EPHB2: variants seen among roughly 807,000 people sequenced by gnomAD.
EPHB2 encodes EPH receptor B2.
EPHB2 carries 18 observed loss-of-function variants against 96.4 expected under a neutral mutation model. That is an observed-to-expected ratio of 0.19 (90% confidence interval 0.13 to 0.28). The LOEUF (loss-of-function observed/expected upper bound fraction) is 0.28, where lower values mean the gene tolerates loss of function less well. Ranked by LOEUF, EPHB2 falls within the 10% of genes least tolerant of loss-of-function variation. EPHB2 has a pLI of 1.00. For missense variants in EPHB2, 989 were observed against 1,355.4 expected, an observed-to-expected ratio of 0.73 and a Z score of 4.25; for synonymous variants, 506 against 534.1, an observed-to-expected ratio of 0.95 and a Z score of 0.72.
At chr1:22,838,792 G>C (rs12023962) in intron 3 of EPHB2, among the ~76,000 whole-genome samples, 72,417 of 151,698 alleles carry the variant, frequency 0.48, 17,306 homozygotes, top group South Asian at 0.59. Flanking sequence ...TTAGCCGGGC[G>C]TGGTGGCAGG....
intron 3 of EPHB2, among the ~76,000 whole-genome samples, chr1:22,811,142 G>A (rs1363438537): frequency 1.3e-5 from 2 of 152,140 alleles, no homozygotes; most frequent in African/African-American, 2.4e-5. Flanking sequence ...ATGATCCGTA[G>A]CCCATGTGTG....
intron 1 of EPHB2, among the ~76,000 whole-genome samples, chr1:22,744,475 T>A (rs954764701): frequency 6.8e-6 from 1 of 148,048 alleles, no homozygotes; most frequent in Non-Finnish European, 1.5e-5. Flanking sequence ...TATATATATA[T>A]AATATACTGT....
At chr1:22,822,912 C>A (rs1645171803) in intron 3 of EPHB2, among the ~76,000 whole-genome samples, 1 of 152,260 alleles carries the variant, frequency 6.6e-6, no homozygotes, top group African/African-American at 2.4e-5. Flanking sequence ...AATGTAGTTC[C>A]CTCTGCGTGG....
At chr1:22,815,832 C>T (rs774522473) in intron 3 of EPHB2, among the ~76,000 whole-genome samples, 3 of 152,088 alleles carry the variant, frequency 2.0e-5, no homozygotes, top group Admixed American at 6.5e-5. Flanking sequence ...GCTGGGAGCC[C>T]GGGGCGGTGC....
chr1:22,903,334 C>G (rs1433453175), intron 9 of EPHB2, among the ~76,000 whole-genome samples: 1 of 152,240 alleles, frequency 6.6e-6, no homozygotes, highest in African/African-American at 2.4e-5. Context: ...TCAAGAACCA[C>G]AGGGCATGCA....
intron 3 of EPHB2, among the ~76,000 whole-genome samples, chr1:22,799,394 T>C (rs1451071746): frequency 6.6e-6 from 1 of 152,212 alleles, no homozygotes; most frequent in Non-Finnish European, 1.5e-5. Context: ...CTCTGACATC[T>C]GCTACCTATG....
intron 11 of EPHB2, among the ~76,000 whole-genome samples, chr1:22,907,301 G>A (rs1214055608): frequency 6.6e-6 from 1 of 152,202 alleles, no homozygotes; most frequent in Admixed American, 6.5e-5. Flanking sequence ...TCAAAGAGAG[G>A]TAGGATTTGC....
At chr1:22,761,608 A>G (rs747856778) in intron 1 of EPHB2, among the ~76,000 whole-genome samples, 3 of 152,214 alleles carry the variant, frequency 2.0e-5, no homozygotes, top group Non-Finnish European at 2.9e-5. Flanking sequence ...GGAAAGTCTC[A>G]AAGTATAGCT....
At chr1:22,753,088 A>C (rs1202859380) in intron 1 of EPHB2, among the ~76,000 whole-genome samples, 3 of 151,954 alleles carry the variant, frequency 2.0e-5, no homozygotes, top group Non-Finnish European at 2.9e-5. Context: ...GCCCAGGCTG[A>C]TATTTTGTTT....
chr1:22,848,840 G>C (rs1007486357), intron 3 of EPHB2, among the ~76,000 whole-genome samples: 1 of 152,158 alleles, frequency 6.6e-6, no homozygotes, highest in South Asian at 2.1e-4. Flanking sequence ...GTTTCCGGGG[G>C]ATACAGTGGT....
intron 5 of EPHB2, among the ~76,000 whole-genome samples, chr1:22,870,543 G>A (rs1017808488): frequency 2.0e-5 from 3 of 152,204 alleles, no homozygotes; most frequent in African/African-American, 7.2e-5. Context: ...GGCAGTCAGA[G>A]GAGAGCTTCT....
At chr1:22,857,347 T>C (rs1234008646) in intron 3 of EPHB2, among the ~76,000 whole-genome samples, 1 of 151,990 alleles carries the variant, frequency 6.6e-6, no homozygotes, top group East Asian at 1.9e-4. Context: ...GAGCTGGCGC[T>C]GTAGGAGAAT....
chr1:22,781,804 A>T (rs1644537341), intron 2 of EPHB2, among the ~76,000 whole-genome samples: 2 of 152,100 alleles, frequency 1.3e-5, no homozygotes, highest in Admixed American at 1.3e-4. Context: ...TTTCCTGAGT[A>T]CCCATTCTAT....
chr1:22,745,541 C>A (rs1057384640), intron 1 of EPHB2, among the ~76,000 whole-genome samples: 1 of 152,186 alleles, frequency 6.6e-6, no homozygotes, highest in African/African-American at 2.4e-5. Context: ...CACTTAAGAT[C>A]TGCATGCTTT....
chr1:22,711,299 G>A (rs1643133151), intron 1 of EPHB2, among the ~76,000 whole-genome samples: 2 of 147,598 alleles, frequency 1.4e-5, no homozygotes, highest in South Asian at 4.2e-4. Context: ...TAGCCAGCCC[G>A]GCGAGCGCCG....
intron 1 of EPHB2, among the ~76,000 whole-genome samples, chr1:22,745,763 TTGA>T (rs1643965360): frequency 6.6e-6 from 1 of 152,078 alleles, no homozygotes; most frequent in African/African-American, 2.4e-5. Context: ...GGGGGCTTTG[TTGA>T]TGTCATTCAG....
chr1:22,872,491 G>C (rs1050954960), intron 5 of EPHB2, among the ~76,000 whole-genome samples: 3 of 152,152 alleles, frequency 2.0e-5, no homozygotes, highest in Non-Finnish European at 4.4e-5. Context: ...GAACATCTTT[G>C]GGGGGTCATT....
chr1:22,787,725 A>G (rs543956921), intron 3 of EPHB2, among the ~76,000 whole-genome samples: 1 of 152,344 alleles, frequency 6.6e-6, no homozygotes, highest in East Asian at 1.9e-4. Context: ...CCTGGGTGAC[A>G]GAGCAAGACC....
intron 3 of EPHB2, among the ~76,000 whole-genome samples, chr1:22,830,875 C>T (rs1645294381): frequency 6.6e-6 from 1 of 152,144 alleles, no homozygotes; most frequent in Admixed American, 6.6e-5. Context: ...TTCTTTATGC[C>T]AACGGTCTTA....
Sources: allele counts gnomAD v4.1 joint callset (sites outside exome capture counted in the v4.1 genomes callset), GRCh38; gene constraint gnomAD v4.1.1; transcripts MANE v1.5; gene names NCBI Gene and HGNC (gene_info 2026-07-23, HGNC 2026-07-21).